Variants in ARFGEF2 observed in about 807,000 individuals in gnomAD.
The protein encoded by ARFGEF2 is brefeldin A-inhibited guanine nucleotide-exchange protein 2.
Under a neutral mutation model 219.9 loss-of-function variants are expected in ARFGEF2, and 74 were observed. The observed-to-expected ratio is 0.34, with a 90% confidence interval of 0.28 to 0.41. ARFGEF2 has a LOEUF of 0.41. ARFGEF2 is among the 10% of genes least tolerant of loss of function. ARFGEF2 has a pLI of 1.00. For synonymous variants in ARFGEF2, 733 were observed against 799.2 expected, an observed-to-expected ratio of 0.92 and a Z score of 1.40; for missense variants, 1,743 against 2,218.3, an observed-to-expected ratio of 0.79 and a Z score of 4.30.
chr20:48,990,266 T>C (rs1177646674), intron 20 of ARFGEF2, among the ~76,000 whole-genome samples: 1 of 152,204 alleles, frequency 6.6e-6, no homozygotes, highest in Non-Finnish European at 1.5e-5. Flanking sequence ...TCTGCCTAAC[T>C]TGCCTGCTTT....
intron 6 of ARFGEF2, among the ~76,000 whole-genome samples, chr20:48,957,331 A>C (rs536674764): frequency 6.7e-4 from 102 of 152,336 alleles, no homozygotes; most frequent in Non-Finnish European, 1.4e-3. Context: ...AACAAAATTC[A>C]GGATCTGTTA....
intron 25 of ARFGEF2, among the ~76,000 whole-genome samples, chr20:49,002,263 A>G (rs1321874904): frequency 1.3e-5 from 2 of 152,146 alleles, no homozygotes; most frequent in Admixed American, 1.3e-4. Flanking sequence ...AAATAAGATT[A>G]AAAAAATAGA....
chr20:48,974,935 A>C (rs1168871022), intron 13 of ARFGEF2, 61 bp downstream of exon 13: 1 of 1,367,144 alleles, frequency 7.3e-7, no homozygotes, highest in Admixed American at 1.8e-5. Flanking sequence ...GACTGCTAGG[A>C]ACAGTTGTCT....
Position 48,921,768 on chromosome 20 carries a change from C to G in ARFGEF2, c.-122C>G. ...CGCCGTGGGGCCGAGGTGTCGCTTC[C>G]TGACGGGGCGGCGCGGACGGACGCG... On this transcript the variant is annotated 5_prime_UTR_variant, in exon 1 of 39. Coordinates refer to ENST00000371917, the MANE Select transcript of ARFGEF2 (RefSeq NM_006420.3). The G allele has an allele frequency of 9.3e-7, 1 of 1,076,560 alleles. No homozygotes were observed. Among genetic ancestry groups the G allele is most frequent in the Non-Finnish European group, 1.2e-6 (1 of 866,872 alleles). The allele number at this position is 1,076,560 out of a possible 1,614,324, so 66.7% of individuals were successfully genotyped here.
chr20:48,964,412 A>G (rs1193763707), intron 7 of ARFGEF2, among the ~76,000 whole-genome samples: 1 of 152,204 alleles, frequency 6.6e-6, no homozygotes, highest in East Asian at 1.9e-4. Context: ...CTCAAAAAAA[A>G]GACACATAGT....
rs1490315656 is a variant in ARFGEF2, at chr20:48,972,378, T to C, written c.1478T>C (p.Phe493Ser). The change falls in exon 11 of 39, where the codon TTT becomes TCT. Residue 493 changes from phenylalanine (F) to serine (S), a missense_variant. By Grantham distance (155) the Phe-to-Ser change is radical. Transcript: ENST00000371917. The stretch of plus-strand genomic sequence containing the variant: ...ATTTTAGAAACATCAACAAGTTCTT[T>C]TGAGCACAGGTGGATGGTCATTCAG... ...LNILETSTSS[F>S]EHRWMVIQTL... 1 of 1,614,180 alleles carries C rather than the reference T, an allele frequency of 6.2e-7. No individual in the cohort carries two copies.
At chr20:48,928,995 T>C (rs562233660) in intron 1 of ARFGEF2, among the ~76,000 whole-genome samples, 1 of 152,294 alleles carries the variant, frequency 6.6e-6, no homozygotes, top group East Asian at 1.9e-4. Flanking sequence ...AAGACCATTC[T>C]TCATGAAAAA....
chr20:49,032,341 G>A (rs1600565610), intron 38 of ARFGEF2, among the ~76,000 whole-genome samples, 175 bp downstream of exon 38: 2 of 152,158 alleles, frequency 1.3e-5, no homozygotes, highest in South Asian at 4.1e-4. Context: ...GGGTGCCACA[G>A]GATATTAGGG....
intron 1 of ARFGEF2, among the ~76,000 whole-genome samples, chr20:48,929,756 G>A (rs774591391): frequency 2.0e-5 from 3 of 152,202 alleles, no homozygotes; most frequent in Non-Finnish European, 4.4e-5. Flanking sequence ...GAGGAAAACA[G>A]TTGTTGGGGA....
chr20:48,926,927 G>C (rs2090880674), intron 1 of ARFGEF2, among the ~76,000 whole-genome samples: 1 of 152,166 alleles, frequency 6.6e-6, no homozygotes, highest in South Asian at 2.1e-4. Context: ...TTGCTCCTCT[G>C]TTTAATATAC....
chr20:48,944,350 C>T (rs2091012512), intron 3 of ARFGEF2, among the ~76,000 whole-genome samples: 1 of 152,184 alleles, frequency 6.6e-6, no homozygotes, highest in South Asian at 2.1e-4. Flanking sequence ...ATGCATTGAG[C>T]TCTTAGCCTG....
At chr20:48,993,078 G>A (rs1450658140) in intron 21 of ARFGEF2, among the ~76,000 whole-genome samples, 5 of 152,174 alleles carry the variant, frequency 3.3e-5, no homozygotes, top group Non-Finnish European at 5.9e-5. Flanking sequence ...ATTTTGAATT[G>A]TGTGCTTTTT....
intron 1 of ARFGEF2, among the ~76,000 whole-genome samples, chr20:48,938,162 A>T (rs1314608635): frequency 1.3e-5 from 2 of 152,188 alleles, no homozygotes; most frequent in Non-Finnish European, 2.9e-5. Context: ...AAAATTTATA[A>T]TGGAGTTTGG....
intron 20 of ARFGEF2, 130 bp from the exon 21 acceptor site, chr20:48,990,910 T>G: frequency 2.0e-6 from 2 of 1,001,938 alleles, no homozygotes; most frequent in Non-Finnish European, 3.1e-6. Context: ...ACTGTTGTGC[T>G]AATGTGCAGA....
At chr20:48,924,342 T>C (rs1408860471) in intron 1 of ARFGEF2, among the ~76,000 whole-genome samples, 2 of 152,038 alleles carry the variant, frequency 1.3e-5, no homozygotes, top group East Asian at 3.9e-4. Context: ...ACCCCGCCTC[T>C]ACTAAAAATA....
intron 3 of ARFGEF2, among the ~76,000 whole-genome samples, chr20:48,946,154 G>A (rs1386517314): frequency 1.3e-5 from 2 of 152,186 alleles, no homozygotes; most frequent in African/African-American, 4.8e-5. Flanking sequence ...TTTGGTTTGG[G>A]CAGAATTGAA....
chr20:48,949,189 G>A (rs1046872373), intron 3 of ARFGEF2, among the ~76,000 whole-genome samples: 5 of 152,182 alleles, frequency 3.3e-5, no homozygotes, highest in Non-Finnish European at 7.3e-5. Flanking sequence ...AAGGAGTCTG[G>A]AGAGGGGAGG....
chr20:48,947,093 C>T (rs148645863), intron 3 of ARFGEF2, among the ~76,000 whole-genome samples: 2 of 152,128 alleles, frequency 1.3e-5, no homozygotes, highest in African/African-American at 4.8e-5. Context: ...ATTCATATTT[C>T]TTTAATTTAA....
chr20:49,011,793 G>A, intron 27 of ARFGEF2, 131 bp from the exon 28 acceptor site: 1 of 1,126,338 alleles, frequency 8.9e-7, no homozygotes, highest in Non-Finnish European at 1.3e-6. Flanking sequence ...ATACTGACAT[G>A]CTTTTCTTAG....
Sources: gnomAD v4.1 joint callset for allele counts (sites outside exome capture counted in the v4.1 genomes callset) on GRCh38, gnomAD v4.1.1 for gene constraint, MANE v1.5 for transcripts, NCBI Gene and HGNC (gene_info 2026-07-23, HGNC 2026-07-21) for gene names.